Variants in ANKRD30B observed in about 807,000 individuals in gnomAD.
ANKRD30B encodes ankyrin repeat domain-containing protein 30B.
In ANKRD30B, 144 loss-of-function variants were observed where a neutral mutation model predicts 202.2. The observed-to-expected ratio is 0.71, with a 90% CI of 0.62 to 0.82. The LOEUF is 0.82. ANKRD30B is among the 40% of genes least tolerant of loss of function. The pLI, the probability that ANKRD30B is intolerant of heterozygous loss-of-function variation, is 0.00. For synonymous variants in ANKRD30B, 508 were observed against 561.3 expected (o/e 0.91, Z 1.34); for missense variants, 1,487 against 1,669.1 (o/e 0.89, Z 1.90).
chr18:14,760,648 A>G, intron 6 of ANKRD30B, 30 bp downstream of exon 6: 3 of 1,441,702 alleles, frequency 2.1e-6, no homozygotes, highest in East Asian at 5.0e-5. Flanking sequence ...ACTACTCTTG[A>G]TGGTGCTACC....
chr18:14,863,804 A>G, the ANKRD30B span, among the ~76,000 whole-genome samples: 1 of 150,132 alleles, frequency 6.7e-6, no homozygotes, highest in African/African-American at 2.5e-5. Context: ...CAAGGAAACA[A>G]CAACAACAAA....
intron 7 of ANKRD30B, among the ~76,000 whole-genome samples, chr18:14,765,641 C>T (rs1423058789): frequency 6.6e-6 from 1 of 152,090 alleles, no homozygotes; most frequent in African/African-American, 2.4e-5. Flanking sequence ...TGAATTTGGC[C>T]TGTGATACAC....
chr18:14,837,963 C>A (rs1210319821), intron 36 of ANKRD30B, among the ~76,000 whole-genome samples: 1 of 152,100 alleles, frequency 6.6e-6, no homozygotes, highest in African/African-American at 2.4e-5. Context: ...TTGCAGGGAG[C>A]CCAGATCATG....
the ANKRD30B span, among the ~76,000 whole-genome samples, chr18:14,881,358 A>G: frequency 6.6e-6 from 1 of 151,656 alleles, no homozygotes; most frequent in Admixed American, 6.6e-5. Flanking sequence ...GAGTTTTTTT[A>G]ATTCTGTTTA....
rs1038317946 is a variant in ANKRD30B, at chr18:14,853,827, C to CA, written c.4503dup (p.Leu1502IlefsTer5). Among the ~76,000 whole-genome samples the CA allele has an allele frequency of 1.3e-5, 2 of 151,714 alleles. No homozygotes were observed. Among genetic ancestry groups the CA allele is most frequent in the Non-Finnish European group, 2.9e-5 (2 of 67,918 alleles). ...TTTTCAGGTCATTGTGAGACAACTT[C>CA]AAAAAAAATTGGCGGATCTTAATAA... On this transcript the variant is annotated frameshift_variant, in exon 43 of 44. Coordinates refer to ENST00000690538, the MANE Select transcript of ANKRD30B (RefSeq NM_001367607.2). LOFTEE classifies it high-confidence loss of function.
the ANKRD30B span, among the ~76,000 whole-genome samples, chr18:14,919,102 GCATAAAATGCACTAGGTCAC>G: frequency 6.6e-6 from 1 of 152,160 alleles, no homozygotes; most frequent in Admixed American, 6.5e-5. Flanking sequence ...TGTGAGAGCT[GCATAAAATGCACTAGGTCAC>G]CATCCCATTT....
chr18:14,784,352 A>G lies in ANKRD30B; in HGVS notation c.1587A>G (p.Pro529=). The change falls in exon 13 of 44, where the codon CCA becomes CCG. Residue 529 remains proline, a synonymous_variant. Coordinates refer to ENST00000690538, the MANE Select transcript of ANKRD30B (RefSeq NM_001367607.2). Reference sequence around the variant, plus strand: ...GCATTTTAGAGCTTCCTGAGAAGCCATCTGCCTTCAAGGTATTTAGTTTTA... The same window carrying G: ...GCATTTTAGAGCTTCCTGAGAAGCCGTCTGCCTTCAAGGTATTTAGTTTTA... ...NREVEELPEK[P]SAFKPAVEMQ... The G allele has an allele frequency of 6.2e-7, 1 of 1,612,876 alleles. No individual in the cohort carries two copies.
chr18:14,845,274 T>G (rs1366071880), intron 39 of ANKRD30B, among the ~76,000 whole-genome samples: 1 of 150,798 alleles, frequency 6.6e-6, no homozygotes, highest in Non-Finnish European at 1.5e-5. Flanking sequence ...TTGTATAAGG[T>G]GTAAGGAAGT....
At chr18:14,756,709 T>C (rs1281399347) in intron 4 of ANKRD30B, among the ~76,000 whole-genome samples, 1 of 152,110 alleles carries the variant, frequency 6.6e-6, no homozygotes, top group Non-Finnish European at 1.5e-5. Flanking sequence ...GCCTAGCCAA[T>C]ATGGTAAAAC....
chr18:14,867,611 C>T, the ANKRD30B span, among the ~76,000 whole-genome samples: 1 of 152,160 alleles, frequency 6.6e-6, no homozygotes, highest in East Asian at 1.9e-4. Context: ...GAGTAGTGGG[C>T]ACCACGGGGG....
In ANKRD30B at chr18:14,784,541, T is replaced by C. The variant is rs769646309; in HGVS notation, c.1672+6T>C. On this transcript the variant is annotated splice_donor_region_variant and intron_variant, in intron 14 of 43. Coordinates refer to ENST00000690538, the MANE Select transcript of ANKRD30B (RefSeq NM_001367607.2). ...TGAACAAACATTGAGAGCAGGTAAA[T>C]TTTTCAATTTAACTATGCAAAGATG... 6.2e-7 allele frequency: 1 copy of C among 1,611,388 alleles called. No homozygotes were observed. Among genetic ancestry groups the C allele is most frequent in the East Asian group, 2.2e-5 (1 of 44,726 alleles).
chr18:14,882,037 A>G, the ANKRD30B span, among the ~76,000 whole-genome samples: 1 of 152,032 alleles, frequency 6.6e-6, no homozygotes, highest in African/African-American at 2.4e-5. Flanking sequence ...GATTTTATTT[A>G]TCTTTTCAAA....
Position 14,851,644 on chromosome 18 carries a change from G to A in ANKRD30B, c.3700G>A (p.Asp1234Asn). The change falls in exon 42 of 44, where the codon GAC (aspartate) becomes AAC (asparagine). Residue 1234 changes from aspartate (D) to asparagine (N), a missense_variant. By Grantham distance (23) the Asp-to-Asn change is conservative. Transcript: ENST00000690538. ...GGTGAAGGAAAATAAATACTTTGAG[G>A]ACATTAAGATTTTACAAGAAAAGAA... ...HQVKENKYFE[D>N]IKILQEKNAE... 2 of 1,611,576 alleles carry A rather than the reference G, an allele frequency of 1.2e-6. No individual in the cohort carries two copies. The highest frequency in any genetic ancestry group is 1.7e-6 in the Non-Finnish European group (2 of 1,178,910).
At chr18:14,766,500 AAAG>A (rs1173495329) in intron 7 of ANKRD30B, among the ~76,000 whole-genome samples, 3 of 149,338 alleles carry the variant, frequency 2.0e-5, no homozygotes, top group African/African-American at 4.9e-5. Flanking sequence ...AAAAAAAAGA[AAAG>A]AAAAGAAAAG....
chr18:14,877,308 GATGAATGAATGAATGAATGAATGA>G, the ANKRD30B span, among the ~76,000 whole-genome samples: 4 of 111,534 alleles, frequency 3.6e-5, no homozygotes, highest in Middle Eastern at 4.8e-3. Context: ...CTCAATAAAT[GATGAATGAATGAATGAATGAATGA>G]ATGAATGAAT....
chr18:14,833,027 T>C (rs1174130089), intron 34 of ANKRD30B, among the ~76,000 whole-genome samples: 1 of 151,784 alleles, frequency 6.6e-6, no homozygotes, highest in Non-Finnish European at 1.5e-5. Context: ...ACCTCTGCCT[T>C]CTTGGTTCAA....
At position 14,791,609 on chromosome 18, in the gene ANKRD30B, A is replaced by T; in HGVS notation, c.1825+118A>T. 2.6e-6 allele frequency: 2 copies of T among 767,394 alleles called. 1 individual carries two copies. The highest frequency in any genetic ancestry group is 6.0e-5 in the Admixed American group (2 of 33,314). 47.5% of individuals were successfully genotyped at this position (767,394 alleles called of 1,614,324 possible). Reference sequence around the variant, plus strand: ...CTCCTTAATGCAAAGCACAGAAAAAAGAGAAGTGAAACGGTGATAAGTTAT... The same window carrying T: ...CTCCTTAATGCAAAGCACAGAAAAATGAGAAGTGAAACGGTGATAAGTTAT... On this transcript the variant is annotated intron_variant, in intron 16 of 43. Transcript: ENST00000690538.
At chr18:14,940,600 G>T in the ANKRD30B span, among the ~76,000 whole-genome samples, 1 of 152,164 alleles carries the variant, frequency 6.6e-6, no homozygotes, top group Non-Finnish European at 1.5e-5. Flanking sequence ...TGCTGCAAAT[G>T]GAACTTAATT....
chr18:14,815,698 A>G (rs1478958656), intron 30 of ANKRD30B, among the ~76,000 whole-genome samples: 1 of 152,244 alleles, frequency 6.6e-6, no homozygotes, highest in African/African-American at 2.4e-5. Context: ...AATTGTTCTT[A>G]TTCATAGGTA....
Sources: gnomAD v4.1 joint callset for allele counts (sites outside exome capture counted in the v4.1 genomes callset) on GRCh38, gnomAD v4.1.1 for gene constraint, MANE v1.5 for transcripts, NCBI Gene and HGNC (gene_info 2026-07-23, HGNC 2026-07-21) for gene names.